GAK: variants seen among roughly 807,000 people sequenced by gnomAD.
The protein encoded by GAK is cyclin G associated kinase.
Under a neutral mutation model 143.9 loss-of-function variants are expected in GAK, and 79 were observed. That is an observed-to-expected ratio of 0.55 (90% confidence interval 0.46 to 0.66). The LOEUF is 0.66. Ranked by LOEUF, GAK falls within the 30% of genes least tolerant of loss-of-function variation. The pLI is 0.00. For synonymous variants in GAK, 881 were observed against 765.5 expected, an observed-to-expected ratio of 1.15 and a Z score of -2.49; for missense variants, 1,693 against 1,779.7, an observed-to-expected ratio of 0.95 and a Z score of 0.88.
Position 888,982 on chromosome 4 carries a change from C to T in GAK, c.1082-12G>A, listed in dbSNP as rs755648097. 6.2e-6 allele frequency: 10 copies of T among 1,608,336 alleles called. No individual in the cohort carries two copies. In the South Asian group the frequency reaches 1.1e-4, roughly 18 times the overall value. On this transcript the variant is annotated splice_polypyrimidine_tract_variant and intron_variant, in intron 10 of 27. Coordinates refer to ENST00000314167, the MANE Select transcript of GAK (RefSeq NM_005255.4). ...CGCCAGCGCCAGGCCTGCAGGGAGA[C>T]ACAGTCTCAGCAGGCCCCAGGTGCT...
intron 11 of GAK, chr4:884,380 C>T (rs1457275301): frequency 2.5e-6 from 1 of 405,116 alleles, no homozygotes; most frequent in African/African-American, 2.1e-5. Context: ...CTGCGCTCTC[C>T]AGGGAGGCAC....
At chr4:911,996 C>T (rs908989328) in intron 3 of GAK, 5 of 514,182 alleles carry the variant, frequency 9.7e-6, no homozygotes, top group South Asian at 1.6e-5. Flanking sequence ...CAGGAGAGGG[C>T]GGGGACAAAG....
At chr4:905,552 C>T (rs1007970076) in intron 4 of GAK, among the ~76,000 whole-genome samples, 4 of 150,618 alleles carry the variant, frequency 2.7e-5, no homozygotes, top group African/African-American at 7.3e-5. Flanking sequence ...GACTCCGCCA[C>T]GCCCCAGGCC....
At chr4:888,588 CAAGG>C in intron 11 of GAK, 2 of 486,004 alleles carry the variant, frequency 4.1e-6, no homozygotes, top group Non-Finnish European at 7.3e-6. Flanking sequence ...GACATTGCAG[CAAGG>C]GAGGGGAGGG....
chr4:887,476 A>G (rs1716685418), intron 11 of GAK: 1 of 146,670 alleles, frequency 6.8e-6, no homozygotes, highest in Admixed American at 6.7e-5. Flanking sequence ...GCTCACGCAC[A>G]CAGGCACTTG....
At chr4:913,407 G>A (rs1211605530) in intron 2 of GAK, among the ~76,000 whole-genome samples, 200 bp downstream of exon 2, 1 of 152,194 alleles carries the variant, frequency 6.6e-6, no homozygotes, top group Non-Finnish European at 1.5e-5. Context: ...GGCCACAGGA[G>A]TGTGAAGCCC....
At chr4:928,328 G>C (rs1402814211) in intron 1 of GAK, among the ~76,000 whole-genome samples, 1 of 152,224 alleles carries the variant, frequency 6.6e-6, no homozygotes, top group African/African-American at 2.4e-5. Flanking sequence ...AAAGTGCTGG[G>C]ATTACAGGCG....
chr4:923,285 ATAG>A (rs1173516507), intron 1 of GAK, among the ~76,000 whole-genome samples: 1 of 152,228 alleles, frequency 6.6e-6, no homozygotes, highest in African/African-American at 2.4e-5. Flanking sequence ...TTTAAAAATA[ATAG>A]TAACGTATAA....
At chr4:871,008 G>T in intron 18 of GAK, 104 bp from the exon 19 acceptor site, 1 of 1,036,874 alleles carries the variant, frequency 9.6e-7, no homozygotes. Context: ...GCAGCTGCAG[G>T]CAGCGGGGCG....
At position 876,587 on chromosome 4, in the gene GAK, T is replaced by C; in HGVS notation, c.1997A>G (p.Gln666Arg). Residue 666 changes from glutamine to arginine, a missense_variant, in exon 18 of 28, where the codon CAG becomes CGG. Gln to Arg is a conservative substitution (Grantham distance 43). Around this residue, in one of 2 missense-constraint regions of GAK, gnomAD observed 871 missense variants for 991.0 expected, o/e 0.88. Transcript: ENST00000314167. ...CACAAACCCCGTGTGGAACTGAATCTGGAACATCTTCATGGATGCCATCTG... is the reference window on the plus strand; with the variant it reads ...CACAAACCCCGTGTGGAACTGAATCCGGAACATCTTCATGGATGCCATCTG... ...QAKMASMKMF[Q>R]IQFHTGFVPR... 6.2e-7 allele frequency: 1 copy of C among 1,614,174 alleles called. No individual in the cohort carries two copies.
rs1446743098 is a variant in GAK, at chr4:854,850, C to G, written c.3284-2876G>C. Among the ~76,000 whole-genome samples, 15 of 152,158 alleles carry G rather than the reference C, an allele frequency of 9.9e-5. No individual in the cohort carries two copies. The East Asian group carries it at 2.9e-3, about 29-fold the overall frequency. On this transcript the variant is annotated intron_variant, in intron 24 of 27. Transcript: ENST00000314167. The stretch of plus-strand genomic sequence containing the variant: ...CACGAGGTCAGGAGATCAAGACCAT[C>G]CTGACTAACACGGTGAAACCCCATC...
At chr4:923,045 C>G (rs1406901808) in intron 1 of GAK, among the ~76,000 whole-genome samples, 1 of 152,134 alleles carries the variant, frequency 6.6e-6, no homozygotes, top group African/African-American at 2.4e-5. Context: ...GACAAAATCA[C>G]AGACAGAGCA....
At chr4:858,090 T>C (rs1483215302) in intron 24 of GAK, among the ~76,000 whole-genome samples, 1 of 152,196 alleles carries the variant, frequency 6.6e-6, no homozygotes, top group South Asian at 2.1e-4. Context: ...TGCAGAATCC[T>C]AGTTCTCTGA....
intron 5 of GAK, among the ~76,000 whole-genome samples, chr4:901,282 C>T (rs1004120249): frequency 6.6e-6 from 1 of 152,112 alleles, no homozygotes; most frequent in African/African-American, 2.4e-5. Context: ...GGGAGAGCCA[C>T]GGCCTTGGAT....
In GAK at chr4:895,569, G is replaced by A. The variant is rs902952386; in HGVS notation, c.741+891C>T. Reference sequence around the variant, plus strand: ...CGTGCTGTCTCAGCCTTCAGCCCATGTGCTGTGGCTGATGGCACGGCTGAC... The same window carrying A: ...CGTGCTGTCTCAGCCTTCAGCCCATATGCTGTGGCTGATGGCACGGCTGAC... On this transcript the variant is annotated intron_variant, in intron 7 of 27. Coordinates refer to ENST00000314167, the MANE Select transcript of GAK (RefSeq NM_005255.4). Among the ~76,000 whole-genome samples, 3 of 152,376 alleles carry A rather than the reference G, an allele frequency of 2.0e-5. No individual in the cohort carries two copies. The Middle Eastern group carries it at 0.01, about 518-fold the overall frequency.
intron 5 of GAK, among the ~76,000 whole-genome samples, chr4:900,697 T>C (rs1669132859): frequency 6.6e-6 from 1 of 152,158 alleles, no homozygotes; most frequent in African/African-American, 2.4e-5. Context: ...CTCAGGCGCA[T>C]GGGTTTCTGG....
intron 11 of GAK, chr4:888,473 C>G (rs904730122): frequency 8.2e-5 from 18 of 219,204 alleles, no homozygotes; most frequent in Non-Finnish European, 1.5e-4. Flanking sequence ...GTCTGAGTAA[C>G]TAGGGCTTTA....
chr4:865,001 G>A (rs2152737999), intron 23 of GAK, 121 bp downstream of exon 23: 3 of 1,340,918 alleles, frequency 2.2e-6, no homozygotes, highest in South Asian at 1.5e-5. Flanking sequence ...CACCAAGCAC[G>A]CCCCAGCCCT....
chr4:886,074 TCCAGGC>T (rs1242789766), intron 11 of GAK: 2 of 152,278 alleles, frequency 1.3e-5, no homozygotes, highest in Non-Finnish European at 2.9e-5. Context: ...CTTTTGAGCC[TCCAGGC>T]CCAACCAGAA....
Sources: allele counts gnomAD v4.1 joint callset (sites outside exome capture counted in the v4.1 genomes callset), GRCh38; gene constraint gnomAD v4.1.1; regional missense constraint gnomAD v4.1.1; transcripts MANE v1.5; gene names NCBI Gene and HGNC (gene_info 2026-07-23, HGNC 2026-07-21).